CCL24: variants seen among roughly 807,000 people sequenced by gnomAD.
The protein encoded by CCL24 is C-C motif chemokine ligand 24.
A neutral mutation model predicts 8.6 loss-of-function variants in CCL24; 6 were observed. The observed-to-expected ratio is 0.70, with a 90% CI of 0.38 to 1.38. CCL24 has a LOEUF of 1.38. Among genes scored for constraint, CCL24 ranks in the 40% most tolerant of loss-of-function variants. CCL24 has a pLI of 0.02. For synonymous variants in CCL24, 59 were observed against 52.7 expected, an observed-to-expected ratio of 1.12 and a Z score of -0.52; for missense variants, 126 against 147.1, an observed-to-expected ratio of 0.86 and a Z score of 0.74.
At position 75,819,128 on chromosome 7, in the gene CCL24, C is replaced by T. The variant is rs546112309; in HGVS notation, c.-60+4194G>A. Among the ~76,000 whole-genome samples, 907 of 147,666 alleles carry T rather than the reference C, an allele frequency of 6.1e-3. 9 individuals carry two copies. The highest frequency in any genetic ancestry group is 9.5e-3 in the Non-Finnish European group (639 of 66,918). Reference sequence around the variant, plus strand: ...TACTAAAAATACAAAACCAGCTGGGCGTGGTGGCACATGACTGTAATCCCA... The same window carrying T: ...TACTAAAAATACAAAACCAGCTGGGTGTGGTGGCACATGACTGTAATCCCA... On this transcript the variant is annotated intron_variant, in intron 1 of 3. Transcript: ENST00000416943.
At position 75,811,736 on chromosome 7, in the gene CCL24, C is replaced by T; in HGVS notation, c.*60G>A. On this transcript the variant is annotated 3_prime_UTR_variant, in exon 3 of 3. Coordinates refer to ENST00000222902, the MANE Select transcript of CCL24 (RefSeq NM_002991.3). ...CCCCCATCACTGTGGCTTCTCCAGGCCCCGAGTAGCCCGCCAAGCAGCTCA... is the reference window on the plus strand; with the variant it reads ...CCCCCATCACTGTGGCTTCTCCAGGTCCCGAGTAGCCCGCCAAGCAGCTCA... 8 of 1,487,956 alleles carry T rather than the reference C, an allele frequency of 5.4e-6. No individual in the cohort carries two copies. The South Asian group carries it at 8.9e-5, about 17-fold the overall frequency. The allele number at this position is 1,487,956 out of a possible 1,614,324, so 92.2% of individuals were successfully genotyped here.
chr7:75,813,515 C>T, intron 1 of CCL24, 92 bp from the exon 2 acceptor site: 1 of 1,255,326 alleles, frequency 8.0e-7, no homozygotes, highest in East Asian at 2.3e-5. Context: ...GCACCAAACA[C>T]CGCCAGTCCA....
intron 2 of CCL24, among the ~76,000 whole-genome samples, chr7:75,812,801 G>A (rs1387218292): frequency 2.6e-5 from 4 of 152,106 alleles, no homozygotes; most frequent in South Asian, 2.1e-4. Context: ...ATGGTGGTGC[G>A]TACCTGTAAT....
In CCL24 at chr7:75,811,920, T is replaced by G; in HGVS notation, c.236A>C (p.Gln79Pro). The change falls in exon 3 of 3, where the codon CAG becomes CCG. Residue 79 changes from glutamine (Q) to proline (P), a missense_variant. Physicochemically the swap from Gln to Pro is moderately conservative, Grantham distance 76. Coordinates refer to ENST00000222902, the MANE Select transcript of CCL24 (RefSeq NM_002991.3). ...CTTCATGTACCTCTGGACCCACTCCTGCTTGGGGTCGCCACAGAACTGCTG... is the reference window on the plus strand; with the variant it reads ...CTTCATGTACCTCTGGACCCACTCCGGCTTGGGGTCGCCACAGAACTGCTG... ...KGQQFCGDPK[Q>P]EWVQRYMKNL... is the part of the protein sequence containing the mutation. The G allele has an allele frequency of 6.2e-7, 1 of 1,609,200 alleles. No homozygotes were observed. Among genetic ancestry groups the G allele is most frequent in the Non-Finnish European group, 8.5e-7 (1 of 1,179,204 alleles).
chr7:75,814,553 C>A (rs1388055982), upstream of CCL24, among the ~76,000 whole-genome samples: 1 of 151,914 alleles, frequency 6.6e-6, no homozygotes, highest in Non-Finnish European at 1.5e-5. Flanking sequence ...GGCAACAGAG[C>A]AACACCCTGT....
upstream of CCL24, among the ~76,000 whole-genome samples, chr7:75,818,534 G>A (rs1554534488): frequency 6.6e-6 from 1 of 151,810 alleles, no homozygotes; most frequent in African/African-American, 2.4e-5. Context: ...CCAGCACTTT[G>A]GGAGGCCGAG....
chr7:75,814,821 C>A (rs902331806), upstream of CCL24, among the ~76,000 whole-genome samples: 4 of 152,014 alleles, frequency 2.6e-5, no homozygotes, highest in African/African-American at 9.7e-5. Context: ...GCATGACCTA[C>A]CCTGTTTCCT....
chr7:75,815,569 G>A (rs1312377999), upstream of CCL24, among the ~76,000 whole-genome samples: 1 of 152,184 alleles, frequency 6.6e-6, no homozygotes, highest in African/African-American at 2.4e-5. Context: ...GCTGACAGCT[G>A]CACTGAGGTT....
rs368096547 is a variant in CCL24, at chr7:75,821,374, G to A, written c.-60+1948C>T. On this transcript the variant is annotated intron_variant, in intron 1 of 3. Coordinates refer to the CCL24 transcript ENST00000416943. ...GGGAAGCCTGTGGTAGGGAATCTAG[G>A]ATGGAGAGGTGGAGGAAGTTAGGAT... Among the ~76,000 whole-genome samples, 43 of 152,188 alleles carry A rather than the reference G, an allele frequency of 2.8e-4. No individual in the cohort carries two copies. The East Asian group carries it at 5.8e-3, about 20-fold the overall frequency.
At chr7:75,814,212 G>T (rs1471186377), upstream of CCL24, among the ~76,000 whole-genome samples, 2 of 152,128 alleles carry the variant, frequency 1.3e-5, no homozygotes, top group Non-Finnish European at 2.9e-5. Context: ...TGTGGTCTGT[G>T]CCAGGCACTG....
At chr7:75,819,350 C>T (rs781827268) in intron 1 of CCL24, among the ~76,000 whole-genome samples, 88 of 98,298 alleles carry the variant, frequency 9.0e-4, no homozygotes, top group Non-Finnish European at 1.6e-3. Context: ...ATAGGCTGGG[C>T]GATGTGGCTC....
chr7:75,816,401 G>T (rs566326527), upstream of CCL24, among the ~76,000 whole-genome samples: 1 of 152,076 alleles, frequency 6.6e-6, no homozygotes, highest in African/African-American at 2.4e-5. Flanking sequence ...CCAACTCAGG[G>T]CTTCATTAGC....
intron 1 of CCL24, among the ~76,000 whole-genome samples, chr7:75,820,102 TCTTC>T (rs1563353960): frequency 3.3e-5 from 4 of 121,946 alleles, no homozygotes; most frequent in Non-Finnish European, 3.5e-5. Flanking sequence ...TTCTTCTTCT[TCTTC>T]CTTCTTCTTC....
chr7:75,817,663 C>G (rs1396680315), upstream of CCL24, among the ~76,000 whole-genome samples: 3 of 149,630 alleles, frequency 2.0e-5, no homozygotes, highest in Non-Finnish European at 4.4e-5. Flanking sequence ...TCACCACACC[C>G]AGCTAGTTTT....
upstream of CCL24, among the ~76,000 whole-genome samples, chr7:75,816,878 A>C (rs1803903858): frequency 1.6e-5 from 2 of 124,696 alleles, no homozygotes; most frequent in Non-Finnish European, 3.4e-5. Flanking sequence ...AAAAAAAAAA[A>C]ATTTGAGACA....
At chr7:75,813,444 G>T (rs782549071) in intron 1 of CCL24, 21 bp from the exon 2 acceptor site, 1 of 1,537,898 alleles carries the variant, frequency 6.5e-7, no homozygotes, top group Admixed American at 1.7e-5. Flanking sequence ...AGAGAGAGAA[G>T]AGCCACGTCT....
At chr7:75,813,959 T>C (rs1270327007), upstream of CCL24, among the ~76,000 whole-genome samples, 1 of 152,130 alleles carries the variant, frequency 6.6e-6, no homozygotes, top group Non-Finnish European at 1.5e-5. Context: ...AGGGTTATCT[T>C]GGGCTCCGAA....
At chr7:75,820,122 CTTCTT>C (rs1804009462) in intron 1 of CCL24, among the ~76,000 whole-genome samples, 1 of 131,126 alleles carries the variant, frequency 7.6e-6, no homozygotes, top group African/African-American at 2.7e-5. Context: ...TCTTCTTCTT[CTTCTT>C]CTTCTCCTCC....
chr7:75,812,018 C>T, intron 2 of CCL24, 54 bp from the exon 3 acceptor site: 2 of 1,506,460 alleles, frequency 1.3e-6, no homozygotes, highest in East Asian at 4.6e-5. Context: ...CCTTGGGCCA[C>T]TCCACTTCAT....
Sources: gnomAD v4.1 joint callset for allele counts (sites outside exome capture counted in the v4.1 genomes callset) on GRCh38, gnomAD v4.1.1 for gene constraint, MANE v1.5 for transcripts, NCBI Gene and HGNC (gene_info 2026-07-23, HGNC 2026-07-21) for gene names.